The following NR1H4 variants were observed in gnomAD, a reference collection of about 807,000 sequenced individuals.
NR1H4 encodes the protein nuclear receptor subfamily 1 group H member 4.
NR1H4 carries 23 observed loss-of-function variants against 58.5 expected under a neutral mutation model. That is an observed-to-expected ratio of 0.39 (90% CI 0.28 to 0.56). NR1H4 has a LOEUF of 0.56. Among genes scored for constraint, NR1H4 ranks in the 20% least tolerant of loss-of-function variants. The pLI is 0.58. For synonymous variants in NR1H4, 214 were observed against 198.0 expected (o/e 1.08, Z -0.68); for missense variants, 487 against 576.9 (o/e 0.84, Z 1.60).
At chr12:100,486,966 C>T (rs1953504659) in intron 1 of NR1H4, among the ~76,000 whole-genome samples, 1 of 152,080 alleles carries the variant, frequency 6.6e-6, no homozygotes, top group African/African-American at 2.4e-5. Flanking sequence ...CTAATACATT[C>T]AACGTATGAA....
intron 4 of NR1H4, among the ~76,000 whole-genome samples, chr12:100,531,356 T>A (rs1372852047): frequency 6.6e-6 from 1 of 151,970 alleles, no homozygotes; most frequent in East Asian, 1.9e-4. Flanking sequence ...CTCCAGAGGG[T>A]GAGGCAGGAG....
intron 1 of NR1H4, among the ~76,000 whole-genome samples, chr12:100,481,248 A>G (rs991120229): frequency 1.3e-5 from 2 of 152,206 alleles, no homozygotes; most frequent in Non-Finnish European, 2.9e-5. Context: ...TAATATTTCA[A>G]AGATCCAATT....
intron 4 of NR1H4, among the ~76,000 whole-genome samples, chr12:100,529,899 A>C (rs982622082): frequency 6.6e-5 from 10 of 152,214 alleles, no homozygotes; most frequent in Non-Finnish European, 2.9e-5. Flanking sequence ...AGAAATATGC[A>C]GCTCTACATG....
At chr12:100,517,501 A>G (rs990827170) in intron 4 of NR1H4, among the ~76,000 whole-genome samples, 2 of 152,256 alleles carry the variant, frequency 1.3e-5, no homozygotes, top group African/African-American at 4.8e-5. Context: ...ATAGGAGTGC[A>G]GATATCTCTT....
intron 9 of NR1H4, among the ~76,000 whole-genome samples, chr12:100,556,501 C>T (rs1955332236): frequency 6.6e-6 from 1 of 151,472 alleles, no homozygotes; most frequent in South Asian, 2.1e-4. Context: ...AAAAACAACT[C>T]TCTTTTAAAG....
In NR1H4 at chr12:100,475,025, T is replaced by A. The variant is rs150661449; in HGVS notation, c.-190+966T>A. 2.9e-4 allele frequency among the ~76,000 whole-genome samples: 44 copies of A among 152,332 alleles called. No homozygotes were observed. The East Asian group carries it at 7.9e-3, about 27-fold the overall frequency. ...AGGTTTATGGTATAGATTGTGGTGA[T>A]GATTTAATGAGTGTATGCCTATCCC... is the stretch of plus-strand genomic sequence containing the variant. On this transcript the variant is annotated intron_variant, in intron 1 of 10. Transcript: ENST00000392986.
intron 1 of NR1H4, among the ~76,000 whole-genome samples, chr12:100,484,646 A>G (rs1048362648): frequency 2.6e-5 from 4 of 152,008 alleles, no homozygotes; most frequent in African/African-American, 9.7e-5. Flanking sequence ...GCTGTACACA[A>G]GTTCCTTCCT....
At chr12:100,528,624 A>G (rs911031551) in intron 4 of NR1H4, among the ~76,000 whole-genome samples, 1 of 152,224 alleles carries the variant, frequency 6.6e-6, no homozygotes, top group African/African-American at 2.4e-5. Flanking sequence ...TATGCACAAG[A>G]AAGAGGCAGA....
At chr12:100,555,824 A>G (rs1263752392) in intron 9 of NR1H4, among the ~76,000 whole-genome samples, 1 of 152,178 alleles carries the variant, frequency 6.6e-6, no homozygotes, top group Non-Finnish European at 1.5e-5. Context: ...CCTCTTAACC[A>G]CTAGGTTTGC....
At chr12:100,563,108 T>A in intron 10 of NR1H4, 143 bp from the exon 11 acceptor site, 1 of 687,322 alleles carries the variant, frequency 1.5e-6, no homozygotes, top group Admixed American at 2.4e-5. Flanking sequence ...TGCATAAAAA[T>A]TCATCAGGTT....
chr12:100,475,886 C>A (rs928574783), intron 1 of NR1H4, among the ~76,000 whole-genome samples: 2 of 152,082 alleles, frequency 1.3e-5, no homozygotes, highest in African/African-American at 2.4e-5. Flanking sequence ...CAGGCGTGCA[C>A]CACCATGCCA....
chr12:100,521,565 A>G (rs1228100717), intron 4 of NR1H4, among the ~76,000 whole-genome samples: 1 of 152,212 alleles, frequency 6.6e-6, no homozygotes, highest in Non-Finnish European at 1.5e-5. Context: ...CACACATCCG[A>G]GAATGGTAGA....
chr12:100,514,720 TATA>T (rs1315462437), intron 4 of NR1H4, among the ~76,000 whole-genome samples: 7 of 152,212 alleles, frequency 4.6e-5, no homozygotes, highest in African/African-American at 1.7e-4. Context: ...TGAGGGAAGC[TATA>T]ATATTTCTTG....
chr12:100,550,531 A>T (rs1487554066), intron 9 of NR1H4, among the ~76,000 whole-genome samples: 2 of 152,026 alleles, frequency 1.3e-5, no homozygotes, highest in Non-Finnish European at 2.9e-5. Flanking sequence ...TGTCCGGTTA[A>T]TTTTTTGTAT....
chr12:100,531,424 C>G (rs1264786155), intron 4 of NR1H4, among the ~76,000 whole-genome samples: 2 of 152,108 alleles, frequency 1.3e-5, no homozygotes, highest in African/African-American at 4.8e-5. Flanking sequence ...CACTGCACTC[C>G]AGCCTGGGCG....
intron 8 of NR1H4, 91 bp from the exon 9 acceptor site, chr12:100,540,581 C>A: frequency 7.2e-7 from 1 of 1,386,004 alleles, no homozygotes; most frequent in South Asian, 1.2e-5. Context: ...ACTACAGAAT[C>A]ACTTGATGTA....
intron 3 of NR1H4, among the ~76,000 whole-genome samples, chr12:100,510,263 T>C (rs1489453993): frequency 1.3e-5 from 2 of 152,160 alleles, no homozygotes; most frequent in Non-Finnish European, 2.9e-5. Context: ...AAAAGGACAT[T>C]GAAGTTTAAA....
chr12:100,517,169 T>C (rs1211321281), intron 4 of NR1H4, among the ~76,000 whole-genome samples: 1 of 152,198 alleles, frequency 6.6e-6, no homozygotes, highest in Non-Finnish European at 1.5e-5. Context: ...CGTTGACTAA[T>C]TTCACTGTCC....
At position 100,536,499 on chromosome 12, in the gene NR1H4, C is replaced by T; in HGVS notation, c.733-13C>T. 1 of 1,513,484 alleles carries T rather than the reference C, an allele frequency of 6.6e-7. No individual in the cohort carries two copies. The highest frequency in any genetic ancestry group is 9.2e-7 in the Non-Finnish European group (1 of 1,089,084). The allele number at this position is 1,513,484 out of a possible 1,614,324, so 93.8% of individuals were successfully genotyped here. On this transcript the variant is annotated splice_polypyrimidine_tract_variant and intron_variant, in intron 6 of 10. Transcript: ENST00000392986. ...CATCTTCCCTAACACCTTTTATTTT[C>T]TTGCCAGTGTAGGAGAAAACTGAAC...
Sources: allele counts gnomAD v4.1 joint callset (sites outside exome capture counted in the v4.1 genomes callset), GRCh38; gene constraint gnomAD v4.1.1; transcripts MANE v1.5; gene names NCBI Gene and HGNC (gene_info 2026-07-23, HGNC 2026-07-21).